DHRSX: variants seen among roughly 807,000 people sequenced by gnomAD.
DHRSX encodes the protein dehydrogenase/reductase X-linked.
Under a neutral mutation model 34.0 loss-of-function variants are expected in DHRSX, and 31 were observed. The observed-to-expected ratio is 0.91, with a 90% CI of 0.69 to 1.23. DHRSX has a LOEUF of 1.23. Among genes scored for constraint, DHRSX ranks in the 50% most tolerant of loss-of-function variants. The pLI is 0.00. For missense variants in DHRSX, 414 were observed against 428.1 expected (o/e 0.97, Z 0.29); for synonymous variants, 201 against 183.8 (o/e 1.09, Z -0.76).
intron 5 of DHRSX, among the ~76,000 whole-genome samples, chrX:2,245,961 C>CAAAAAAAAA (rs1349755698): frequency 1.7e-5 from 1 of 59,362 alleles, no homozygotes; most frequent in Non-Finnish European, 3.1e-5. Flanking sequence ...GACTCCATCT[C>CAAAAAAAAA]AAAAAAAACA....
intron 3 of DHRSX, among the ~76,000 whole-genome samples, chrX:2,379,522 G>A (rs746995072): frequency 7.5e-5 from 11 of 147,328 alleles, no homozygotes; most frequent in East Asian, 4.1e-4. Flanking sequence ...AAATTCCCCC[G>A]TAAAAGACGT....
chrX:2,227,245 C>A (rs1294211273), intron 6 of DHRSX, among the ~76,000 whole-genome samples: 2 of 151,004 alleles, frequency 1.3e-5, no homozygotes, highest in Non-Finnish European at 2.9e-5. Context: ...GGTCAAAGCA[C>A]CTTTGTTTTG....
At chrX:2,490,884 C>A (rs2045119325) in intron 1 of DHRSX, 1 of 952,832 alleles carries the variant, frequency 1.0e-6, no homozygotes, top group Non-Finnish European at 1.6e-6. Context: ...CCAAAGGGCA[C>A]TGGGGCCGGA....
chrX:2,406,756 C>T (rs1176633793), intron 3 of DHRSX, among the ~76,000 whole-genome samples: 1 of 152,150 alleles, frequency 6.6e-6, no homozygotes, highest in Non-Finnish European at 1.5e-5. Flanking sequence ...ATGATTTCTA[C>T]AGTTAATTAC....
intron 1 of DHRSX, among the ~76,000 whole-genome samples, chrX:2,464,923 A>G (rs1440804897): frequency 2.0e-5 from 3 of 150,454 alleles, no homozygotes; most frequent in African/African-American, 4.9e-5. Context: ...TTCCCTAACC[A>G]TAGGCCAACA....
At chrX:2,377,509 C>T (rs1340983783) in intron 3 of DHRSX, among the ~76,000 whole-genome samples, 9 of 151,986 alleles carry the variant, frequency 5.9e-5, no homozygotes, top group Non-Finnish European at 1.3e-4. Flanking sequence ...GGCGGTAATG[C>T]GTGCAGTGGG....
chrX:2,327,466 C>T (rs62583697), intron 3 of DHRSX, among the ~76,000 whole-genome samples: 9,122 of 152,278 alleles, frequency 0.06, 437 homozygotes, highest in Non-Finnish European at 0.098. Flanking sequence ...GTGAGCATCA[C>T]CTTGTTGTAA....
At chrX:2,346,653 T>TTTGTTA (rs1556483990) in intron 3 of DHRSX, among the ~76,000 whole-genome samples, 1 of 150,724 alleles carries the variant, frequency 6.6e-6, no homozygotes, top group African/African-American at 2.5e-5. Context: ...TGGTTTTTTT[T>TTTGTTA]TTGTTGTTGT....
At chrX:2,498,492 C>T (rs2045334722) in intron 1 of DHRSX, among the ~76,000 whole-genome samples, 1 of 152,162 alleles carries the variant, frequency 6.6e-6, no homozygotes, top group Non-Finnish European at 1.5e-5. Context: ...GGGCAAGCCA[C>T]TTAAGTTAAT....
chrX:2,291,186 G>T (rs1368829399), intron 4 of DHRSX, among the ~76,000 whole-genome samples: 1 of 152,144 alleles, frequency 6.6e-6, no homozygotes, highest in Non-Finnish European at 1.5e-5. Flanking sequence ...TGTGGTGATG[G>T]TTTTGTAAGA....
At chrX:2,327,862 C>G (rs1022378172) in intron 3 of DHRSX, among the ~76,000 whole-genome samples, 3 of 151,896 alleles carry the variant, frequency 2.0e-5, no homozygotes, top group Non-Finnish European at 4.4e-5. Flanking sequence ...GGGTGGATCA[C>G]GAGGTCAGGT....
intron 3 of DHRSX, among the ~76,000 whole-genome samples, chrX:2,320,669 C>G (rs1056462443): frequency 6.7e-6 from 1 of 148,494 alleles, no homozygotes; most frequent in Admixed American, 6.9e-5. Flanking sequence ...TTGCTACACT[C>G]GGAGACATGA....
chrX:2,351,434 T>C lies in DHRSX; in HGVS notation c.286+57311A>G, dbSNP rs144839879. ...CCTGAATAACATGAGCTCTGGCACT[T>C]GTCAGCCTCAGACAGGTCATGACTC... On this transcript the variant is annotated intron_variant, in intron 3 of 6. Transcript: ENST00000334651. 3.3e-4 allele frequency among the ~76,000 whole-genome samples: 50 copies of C among 152,278 alleles called. No individual in the cohort carries two copies. In the East Asian group the frequency reaches 7.7e-3, roughly 24 times the overall value.
chrX:2,476,143 T>A (rs1830721956), intron 1 of DHRSX, among the ~76,000 whole-genome samples: 1 of 152,098 alleles, frequency 6.6e-6, no homozygotes, highest in African/African-American at 2.4e-5. Context: ...ATCCCAGCAC[T>A]TTCGGAGTCC....
chrX:2,287,713 T>C (rs1444589333), intron 4 of DHRSX, among the ~76,000 whole-genome samples: 1 of 151,254 alleles, frequency 6.6e-6, no homozygotes, highest in Non-Finnish European at 1.5e-5. Flanking sequence ...TTAATTCCCA[T>C]GTGGTAGATA....
chrX:2,374,370 G>A (rs1026413611), intron 3 of DHRSX, among the ~76,000 whole-genome samples: 1 of 151,736 alleles, frequency 6.6e-6, no homozygotes, highest in African/African-American at 2.4e-5. Context: ...AGGCCGTGGT[G>A]GGAAGATTCC....
At chrX:2,438,672 T>TTA (rs1556517466) in intron 1 of DHRSX, among the ~76,000 whole-genome samples, 1 of 141,460 alleles carries the variant, frequency 7.1e-6, no homozygotes. Context: ...CATCTCAAAA[T>TTA]AAAAAAAAAA....
chrX:2,225,887 T>G (rs778016749), intron 6 of DHRSX, among the ~76,000 whole-genome samples: 5 of 151,122 alleles, frequency 3.3e-5, no homozygotes, highest in African/African-American at 9.8e-5. Context: ...TGGTATTCTG[T>G]GATAGCAGCC....
intron 3 of DHRSX, among the ~76,000 whole-genome samples, chrX:2,371,305 CATAGACCCTCCTCCCGTTACT>C (rs1297949975): frequency 3.4e-5 from 5 of 148,070 alleles, no homozygotes; most frequent in African/African-American, 1.2e-4. Flanking sequence ...CCTCCATTAC[CATAGACCCTCCTCCCGTTACT>C]ATAGTCCCTC....
Sources: gnomAD v4.1 joint callset for allele counts (sites outside exome capture counted in the v4.1 genomes callset) on GRCh38, gnomAD v4.1.1 for gene constraint, MANE v1.5 for transcripts, NCBI Gene and HGNC (gene_info 2026-07-23, HGNC 2026-07-21) for gene names.